Variants in PLCB1 observed in about 807,000 individuals in gnomAD.
PLCB1 encodes 1-phosphatidylinositol 4,5-bisphosphate phosphodiesterase beta-1.
PLCB1 carries 46 observed loss-of-function variants against 161.8 expected under a neutral mutation model. That is an observed-to-expected ratio of 0.28 (90% CI 0.22 to 0.36). PLCB1 has a LOEUF of 0.36. Among genes scored for constraint, PLCB1 ranks in the 10% least tolerant of loss-of-function variants. The probability of loss-of-function intolerance (pLI) is 1.00; values close to 1 mark genes in which losing one functional copy is unlikely to be tolerated. For missense variants in PLCB1, 1,016 were observed against 1,472.5 expected (o/e 0.69, Z 5.07); for synonymous variants, 517 against 503.7 (o/e 1.03, Z -0.35).
intron 2 of PLCB1, among the ~76,000 whole-genome samples, chr20:8,164,243 C>T (rs904299406): frequency 1.3e-5 from 2 of 152,036 alleles, no homozygotes; most frequent in Non-Finnish European, 2.9e-5. Flanking sequence ...ATGGTGGACT[C>T]CAGGACACCA....
intron 3 of PLCB1, among the ~76,000 whole-genome samples, chr20:8,447,651 A>G (rs543485858): frequency 6.6e-6 from 1 of 152,296 alleles, no homozygotes; most frequent in African/African-American, 2.4e-5. Context: ...GTACAGAGGA[A>G]TATAATTTGG....
At chr20:8,523,456 A>G (rs1404124257) in intron 3 of PLCB1, among the ~76,000 whole-genome samples, 9 of 110,994 alleles carry the variant, frequency 8.1e-5, no homozygotes, top group African/African-American at 3.1e-4. Flanking sequence ...ACAAATATAT[A>G]TATATTTGGC....
At chr20:8,363,908 A>G (rs1358808530) in intron 2 of PLCB1, among the ~76,000 whole-genome samples, 1 of 152,208 alleles carries the variant, frequency 6.6e-6, no homozygotes, top group Admixed American at 6.5e-5. Context: ...AAGACTAATG[A>G]GATAATACAT....
At chr20:8,798,577 C>CACACACACAT (rs1984140449) in intron 31 of PLCB1, among the ~76,000 whole-genome samples, 1 of 10,884 alleles carries the variant, frequency 9.2e-5, no homozygotes, top group Admixed American at 4.9e-3. Flanking sequence ...CACACATACA[C>CACACACACAT]ACACACACAC....
chr20:8,355,905 A>G (rs1324944287), intron 2 of PLCB1, among the ~76,000 whole-genome samples: 1 of 152,234 alleles, frequency 6.6e-6, no homozygotes, highest in Non-Finnish European at 1.5e-5. Context: ...GTAATATTAA[A>G]GAAATCACTA....
chr20:8,823,415 G>A (rs968236128), intron 31 of PLCB1, among the ~76,000 whole-genome samples: 1 of 152,138 alleles, frequency 6.6e-6, no homozygotes, highest in Non-Finnish European at 1.5e-5. Flanking sequence ...GAGCCATCAT[G>A]CCCCGCCAGA....
intron 3 of PLCB1, among the ~76,000 whole-genome samples, chr20:8,399,251 G>C (rs1277301297): frequency 1.3e-5 from 2 of 151,176 alleles, no homozygotes; most frequent in Non-Finnish European, 2.9e-5. Flanking sequence ...CCCTATCCTG[G>C]TATCTAGGTG....
At chr20:8,146,542 G>A (rs547850809) in intron 1 of PLCB1, among the ~76,000 whole-genome samples, 5 of 152,276 alleles carry the variant, frequency 3.3e-5, no homozygotes, top group African/African-American at 1.2e-4. Flanking sequence ...AAGTGAGTTT[G>A]GATTAGTGGT....
chr20:8,628,545 C>A, intron 4 of PLCB1, 114 bp downstream of exon 4: 2 of 1,082,294 alleles, frequency 1.8e-6, no homozygotes, highest in Non-Finnish European at 2.7e-6. Context: ...GTTAAAATTT[C>A]ACCTAAAAAT....
At chr20:8,744,217 T>A (rs996244518) in intron 23 of PLCB1, among the ~76,000 whole-genome samples, 3 of 152,218 alleles carry the variant, frequency 2.0e-5, no homozygotes, top group Admixed American at 2.0e-4. Flanking sequence ...GGATGAATTT[T>A]ATTCTGTAAG....
chr20:8,450,740 T>C (rs932058270), intron 3 of PLCB1, among the ~76,000 whole-genome samples: 1 of 152,212 alleles, frequency 6.6e-6, no homozygotes, highest in African/African-American at 2.4e-5. Flanking sequence ...TTTGGGTGGT[T>C]CTACCATCCT....
intron 31 of PLCB1, among the ~76,000 whole-genome samples, chr20:8,869,761 C>G (rs998110546): frequency 2.8e-4 from 43 of 152,184 alleles, no homozygotes; most frequent in Middle Eastern, 3.2e-3. Context: ...TGGACTTGTT[C>G]ATACATCTGT....
At chr20:8,336,084 C>A (rs1419559679) in intron 2 of PLCB1, among the ~76,000 whole-genome samples, 2 of 152,114 alleles carry the variant, frequency 1.3e-5, no homozygotes, top group African/African-American at 2.4e-5. Flanking sequence ...ATGCGGGAAG[C>A]TATTTTTAGC....
At chr20:8,464,801 T>A (rs956729042) in intron 3 of PLCB1, among the ~76,000 whole-genome samples, 1 of 152,138 alleles carries the variant, frequency 6.6e-6, no homozygotes, top group African/African-American at 2.4e-5. Flanking sequence ...TAAAGCCATG[T>A]CTCATCTACC....
chr20:8,641,543 T>C (rs1988957443), intron 4 of PLCB1, among the ~76,000 whole-genome samples: 1 of 152,230 alleles, frequency 6.6e-6, no homozygotes, highest in African/African-American at 2.4e-5. Flanking sequence ...AATGGGCATA[T>C]GCCATGTTTG....
intron 2 of PLCB1, among the ~76,000 whole-genome samples, chr20:8,205,539 A>G (rs6055645): frequency 0.31 from 47,570 of 152,072 alleles, 9,649 homozygotes; most frequent in African/African-American, 0.58. Flanking sequence ...AAGGGGAAAC[A>G]ATAGTTTAGA....
chr20:8,590,716 C>T (rs1407092796), intron 3 of PLCB1, among the ~76,000 whole-genome samples: 1 of 152,178 alleles, frequency 6.6e-6, no homozygotes, highest in East Asian at 1.9e-4. Flanking sequence ...GAGTCCTTCT[C>T]ATGCTGACAT....
At chr20:8,642,647 T>C (rs1988993732) in intron 4 of PLCB1, among the ~76,000 whole-genome samples, 1 of 152,230 alleles carries the variant, frequency 6.6e-6, no homozygotes, top group Non-Finnish European at 1.5e-5. Context: ...TATTAAAATA[T>C]CTTGTTTAAA....
At chr20:8,407,262 T>A (rs1398197356) in intron 3 of PLCB1, among the ~76,000 whole-genome samples, 1 of 152,042 alleles carries the variant, frequency 6.6e-6, no homozygotes, top group African/African-American at 2.4e-5. Flanking sequence ...GGAAAAAAAC[T>A]CCCCAGCCTT....
Sources: allele counts gnomAD v4.1 joint callset (sites outside exome capture counted in the v4.1 genomes callset), GRCh38; gene constraint gnomAD v4.1.1; transcripts MANE v1.5; gene names NCBI Gene and HGNC (gene_info 2026-07-23, HGNC 2026-07-21).